The following QRSL1 variants were observed in gnomAD, a reference collection of about 807,000 sequenced individuals.
QRSL1 encodes glutaminyl-tRNA amidotransferase subunit QRSL1.
Under a neutral mutation model 61.6 loss-of-function variants are expected in QRSL1, and 54 were observed. The ratio of observed to expected loss-of-function variants is 0.88; its 90% confidence interval spans 0.70 to 1.10. The LOEUF is 1.10. QRSL1 is among the 50% of genes least tolerant of loss of function. The pLI is 0.00. For synonymous variants in QRSL1, 228 were observed against 225.7 expected (o/e 1.01, Z -0.09); for missense variants, 505 against 622.6 (o/e 0.81, Z 2.01).
chr6:106,649,874 TCA>T (rs1187767634), intron 5 of QRSL1, among the ~76,000 whole-genome samples: 1 of 152,206 alleles, frequency 6.6e-6, no homozygotes, highest in African/African-American at 2.4e-5. Context: ...GCTGTGTTTA[TCA>T]GTCTCAATTT....
Position 106,655,600 on chromosome 6 carries a change from T to G in QRSL1, c.1043-15T>G, listed in dbSNP as rs1349523910. 2 of 1,553,110 alleles carry G rather than the reference T, an allele frequency of 1.3e-6. No individual in the cohort carries two copies. Among genetic ancestry groups the G allele is most frequent in the South Asian group, 2.2e-5 (2 of 89,774 alleles). On this transcript the variant is annotated splice_polypyrimidine_tract_variant and intron_variant, in intron 8 of 10. Coordinates refer to ENST00000369046, the MANE Select transcript of QRSL1 (RefSeq NM_018292.5). Reference sequence around the variant, plus strand: ...ACTTCCTTTCAAGTAATGTTTACCCTTTTCTTGTTTTCAGGTCACAGATGT... The same window carrying G: ...ACTTCCTTTCAAGTAATGTTTACCCGTTTCTTGTTTTCAGGTCACAGATGT...
chr6:106,652,864 T>C, intron 7 of QRSL1: 1 of 1,075,264 alleles, frequency 9.3e-7, no homozygotes, highest in Non-Finnish European at 1.3e-6. Context: ...TTTTAGATTT[T>C]GTGGACCATG....
In QRSL1 at chr6:106,629,600, G is replaced by A; in HGVS notation, c.-82G>A. 2 of 1,514,004 alleles carry A rather than the reference G, an allele frequency of 1.3e-6. No homozygotes were observed. Among genetic ancestry groups the A allele is most frequent in the African/African-American group, 1.4e-5 (1 of 71,968 alleles). 93.8% of individuals were successfully genotyped at this position (1,514,004 alleles called of 1,614,324 possible). A position where few individuals can be genotyped will look rare whatever the true frequency, so the allele number is the denominator to read the frequency against. Reference sequence around the variant, plus strand: ...CTCAGTGACAATTAAAGATGGCTGCGCCCATGTAACATCACTAGCGACCGG... The same window carrying A: ...CTCAGTGACAATTAAAGATGGCTGCACCCATGTAACATCACTAGCGACCGG... On this transcript the variant is annotated 5_prime_UTR_variant, in exon 1 of 11. Transcript: ENST00000369046.
chr6:106,644,300 C>G (rs1221391522), intron 4 of QRSL1, among the ~76,000 whole-genome samples: 4 of 152,086 alleles, frequency 2.6e-5, no homozygotes, highest in Non-Finnish European at 5.9e-5. Context: ...TGTTGGGAGG[C>G]AAAAGCAACT....
chr6:106,630,054 T>C (rs1231260710), intron 1 of QRSL1, among the ~76,000 whole-genome samples: 1 of 152,202 alleles, frequency 6.6e-6, no homozygotes, highest in Non-Finnish European at 1.5e-5. Context: ...CCCCGACACT[T>C]AGCTGCAGTT....
At position 106,649,199 on chromosome 6, in the gene QRSL1, C is replaced by T. The variant is rs763443331; in HGVS notation, c.555C>T (p.Tyr185=). 8 of 1,613,582 alleles carry T rather than the reference C, an allele frequency of 5.0e-6. No individual in the cohort carries two copies. Among genetic ancestry groups the T allele is most frequent in the South Asian group, 2.2e-5 (2 of 91,048 alleles). The change falls in exon 5 of 11, where the codon TAC becomes TAT. Residue 185 remains tyrosine (Y), a splice_region_variant and synonymous_variant. Coordinates refer to ENST00000369046, the MANE Select transcript of QRSL1 (RefSeq NM_018292.5). ...CTGCTGTATCGGCGTTCACATGCTA[C>T]GCGTAAGATGCTTTTCTCTATCTGT... ...SAAAVSAFTC[Y]AALGSDTGGS... is the part of the protein sequence containing the mutation.
intron 8 of QRSL1, 67 bp downstream of exon 8, chr6:106,654,989 G>C: frequency 7.2e-7 from 1 of 1,396,944 alleles, no homozygotes; most frequent in Non-Finnish European, 9.7e-7. Context: ...TCACTTATTA[G>C]TGACAAAAAA....
At chr6:106,630,695 G>A (rs1247939095) in intron 1 of QRSL1, among the ~76,000 whole-genome samples, 6 of 152,130 alleles carry the variant, frequency 3.9e-5, no homozygotes, top group Admixed American at 3.3e-4. Flanking sequence ...GGAGGCTCCA[G>A]GTGATTTCTG....
At chr6:106,632,388 ATT>A (rs563907202) in intron 1 of QRSL1, among the ~76,000 whole-genome samples, 1 of 148,324 alleles carries the variant, frequency 6.7e-6, no homozygotes. Flanking sequence ...ATTTTTAATT[ATT>A]TTTTTTTTAG....
At chr6:106,637,033 T>C (rs1233534504) in intron 1 of QRSL1, among the ~76,000 whole-genome samples, 1 of 152,248 alleles carries the variant, frequency 6.6e-6, no homozygotes, top group Non-Finnish European at 1.5e-5. Flanking sequence ...CTCACAAGGC[T>C]GAAATCCATG....
chr6:106,655,761 C>A (rs909499513), intron 9 of QRSL1, 29 bp downstream of exon 9: 1 of 1,389,944 alleles, frequency 7.2e-7, no homozygotes, highest in Non-Finnish European at 1.0e-6. Context: ...GAATTTTCTT[C>A]ATTCTTGAAA....
intron 1 of QRSL1, among the ~76,000 whole-genome samples, chr6:106,636,768 A>T (rs1776929450): frequency 6.6e-6 from 1 of 152,236 alleles, no homozygotes; most frequent in South Asian, 2.1e-4. Flanking sequence ...AGTACTAGCT[A>T]TTATTAACAT....
intron 9 of QRSL1, among the ~76,000 whole-genome samples, chr6:106,658,122 G>C (rs1316057427): frequency 1.3e-5 from 2 of 151,480 alleles, no homozygotes; most frequent in Non-Finnish European, 2.9e-5. Context: ...CTTTTCTTCT[G>C]CTTTTTTTTC....
chr6:106,650,089 G>C (rs1582414961), intron 5 of QRSL1, among the ~76,000 whole-genome samples: 1 of 151,984 alleles, frequency 6.6e-6, no homozygotes, highest in Non-Finnish European at 1.5e-5. Flanking sequence ...TTTTATCTCT[G>C]TGAAATTTTA....
chr6:106,661,872 C>T (rs1047894819), intron 9 of QRSL1, among the ~76,000 whole-genome samples: 8 of 151,492 alleles, frequency 5.3e-5, no homozygotes, highest in African/African-American at 4.8e-5. Context: ...CCACCACGCC[C>T]GGCTAATTTG....
At position 106,663,105 on chromosome 6, in the gene QRSL1, C is replaced by G. The variant is rs777579369; in HGVS notation, c.1286C>G (p.Pro429Arg). Residue 429 changes from proline (P) to arginine (R), a missense_variant, in exon 10 of 11, where the codon CCA becomes CGA. Coordinates refer to ENST00000369046, the MANE Select transcript of QRSL1 (RefSeq NM_018292.5). ...LTPTTLSEAV[P>R]YLEFIKEDNR... ...CCCACCACCTTGAGTGAGGCAGTAC[C>G]ATACTTGGAGTTCATCAAAGAGGAC... is the stretch of plus-strand genomic sequence containing the variant. The G allele has an allele frequency of 9.3e-6, 15 of 1,614,022 alleles. No homozygotes were observed. The highest frequency in any genetic ancestry group is 3.3e-4 in the Middle Eastern group (2 of 6,082).
At chr6:106,659,176 A>T (rs1047084465) in intron 9 of QRSL1, among the ~76,000 whole-genome samples, 1 of 152,130 alleles carries the variant, frequency 6.6e-6, no homozygotes, top group African/African-American at 2.4e-5. Flanking sequence ...CATATAGAAC[A>T]TATTTAGGCT....
chr6:106,643,948 TG>T (rs1371483765), intron 4 of QRSL1, among the ~76,000 whole-genome samples: 1 of 151,750 alleles, frequency 6.6e-6, no homozygotes, highest in Admixed American at 6.6e-5. Context: ...CTCGGCTCGC[TG>T]CAGCCTCCGC....
chr6:106,654,891 G>C lies in QRSL1; in HGVS notation c.1011G>C (p.Ser337=), dbSNP rs143085016. The part of the protein sequence containing the change: ...YHVLCTSEVA[S]NMARFDGLQY... ...TATTGTGCACATCAGAAGTGGCATC[G>C]AATATGGCAAGATTTGATGGGCTAC... The change falls in exon 8 of 11, where the codon TCG becomes TCC. Residue 337 remains serine, a synonymous_variant. Coordinates refer to ENST00000369046, the MANE Select transcript of QRSL1 (RefSeq NM_018292.5). 2.7e-5 allele frequency: 43 copies of C among 1,607,798 alleles called. No individual in the cohort carries two copies. In the South Asian group the frequency reaches 4.3e-4, roughly 16 times the overall value.
Sources: allele counts gnomAD v4.1 joint callset (sites outside exome capture counted in the v4.1 genomes callset), GRCh38; gene constraint gnomAD v4.1.1; transcripts MANE v1.5; gene names NCBI Gene and HGNC (gene_info 2026-07-23, HGNC 2026-07-21).